The following AGBL1 variants were observed in gnomAD, a reference collection of about 807,000 sequenced individuals.
The protein encoded by AGBL1 is cytosolic carboxypeptidase 4.
AGBL1 carries 130 observed loss-of-function variants against 118.9 expected under a neutral mutation model. The observed-to-expected ratio is 1.09, with a 90% CI of 0.95 to 1.26. The LOEUF is 1.26. Ranked by LOEUF, AGBL1 falls within the 50% of genes most tolerant of loss-of-function variation. AGBL1 has a pLI of 0.00. For missense variants in AGBL1, 1,584 were observed against 1,298.1 expected, an observed-to-expected ratio of 1.22 and a Z score of -3.38; for synonymous variants, 555 against 478.9, an observed-to-expected ratio of 1.16 and a Z score of -2.08.
chr15:86,817,174 C>T (rs1468401845), intron 22 of AGBL1, among the ~76,000 whole-genome samples: 2 of 151,760 alleles, frequency 1.3e-5, no homozygotes, highest in Non-Finnish European at 2.9e-5. Flanking sequence ...TGGCTGTAAT[C>T]CCAGCTACTC....
chr15:86,141,269 C>T lies in AGBL1; in HGVS notation c.52-735C>T, dbSNP rs1429777887. On this transcript the variant is annotated intron_variant, in intron 1 of 22. Transcript: ENST00000614907. ...GGATTTGGCACCACCCTGGGATTCT[C>T]CTGAGAAAAGGAGGAGTTCATTCTT... Among the ~76,000 whole-genome samples the T allele has an allele frequency of 5.3e-5, 8 of 152,282 alleles. No individual in the cohort carries two copies. The South Asian group carries it at 1.2e-3, about 24-fold the overall frequency.
chr15:86,816,426 A>C (rs2078859283), intron 22 of AGBL1, among the ~76,000 whole-genome samples: 1 of 152,226 alleles, frequency 6.6e-6, no homozygotes, highest in Non-Finnish European at 1.5e-5. Context: ...TGTGACTTTC[A>C]AAAAGGCAGT....
At chr15:86,216,420 T>C (rs555197661) in intron 5 of AGBL1, among the ~76,000 whole-genome samples, 2 of 152,208 alleles carry the variant, frequency 1.3e-5, no homozygotes, top group African/African-American at 4.8e-5. Flanking sequence ...CTTTATCAGT[T>C]TGAGGAAGTT....
In AGBL1 at chr15:86,983,639, T is replaced by C. The variant is rs77010428; in HGVS notation, c.3222-4348T>C. Reference sequence around the variant, plus strand: ...CAAGTATATATACCCATAATCAAGATAGAGAACACAGACTTGTTACCTCCA... The same window carrying C: ...CAAGTATATATACCCATAATCAAGACAGAGAACACAGACTTGTTACCTCCA... On this transcript the variant is annotated intron_variant, in intron 23 of 24. Coordinates refer to the AGBL1 transcript ENST00000441037. Among the ~76,000 whole-genome samples, 641 of 152,306 alleles carry C rather than the reference T, an allele frequency of 4.2e-3. 10 individuals carry two copies. The highest frequency in any genetic ancestry group is 0.015 in the African/African-American group (626 of 41,562).
At chr15:86,476,070 C>G (rs1156407298) in intron 18 of AGBL1, among the ~76,000 whole-genome samples, 1 of 152,108 alleles carries the variant, frequency 6.6e-6, no homozygotes, top group African/African-American at 2.4e-5. Context: ...TACAAGAGCT[C>G]CTGAAGGAAG....
intron 22 of AGBL1, among the ~76,000 whole-genome samples, chr15:86,792,418 C>A (rs931408224): frequency 1.3e-5 from 2 of 152,008 alleles, no homozygotes; most frequent in Non-Finnish European, 2.9e-5. Flanking sequence ...TACTAGACAG[C>A]AAAGATGTCA....
chr15:86,303,732 T>A (rs554264519), intron 17 of AGBL1, among the ~76,000 whole-genome samples: 2 of 152,196 alleles, frequency 1.3e-5, no homozygotes, highest in Non-Finnish European at 2.9e-5. Context: ...AAACATGTAA[T>A]ATATTTCATC....
chr15:86,407,678 T>C (rs2081549556), intron 18 of AGBL1, among the ~76,000 whole-genome samples: 1 of 152,158 alleles, frequency 6.6e-6, no homozygotes, highest in Non-Finnish European at 1.5e-5. Flanking sequence ...ATTCCCTTTT[T>C]CTCCTTTTAG....
In AGBL1 at chr15:86,911,667, C is replaced by T. The variant is rs1015634911; in HGVS notation, c.*4373C>T. 1.3e-5 allele frequency: 2 copies of T among 152,312 alleles called. No individual in the cohort carries two copies. The highest frequency in any genetic ancestry group is 2.1e-4 in the South Asian group (1 of 4,828). 9.4% of individuals were successfully genotyped at this position (152,312 alleles called of 1,614,324 possible). A position where few individuals can be genotyped will look rare whatever the true frequency, so the allele number is the denominator to read the frequency against. On this transcript the variant is annotated 3_prime_UTR_variant, in exon 23 of 23. Transcript: ENST00000614907. ...GAAGGGCACTTCTTAAGCCACACAG[C>T]TCCCTAAATGTACTTTTTGATTTTT...
intron 22 of AGBL1, among the ~76,000 whole-genome samples, chr15:86,877,175 C>T (rs2079822518): frequency 6.6e-6 from 1 of 152,160 alleles, no homozygotes. Context: ...GCCCACTCTT[C>T]CTGTGCTCAC....
At chr15:86,666,245 G>C (rs2085642431) in intron 21 of AGBL1, among the ~76,000 whole-genome samples, 2 of 151,998 alleles carry the variant, frequency 1.3e-5, no homozygotes, top group African/African-American at 4.8e-5. Flanking sequence ...TAACCCTTGG[G>C]ATATTTATTA....
chr15:86,102,945 A>C (rs1896822137), intron 1 of AGBL1, among the ~76,000 whole-genome samples: 1 of 152,118 alleles, frequency 6.6e-6, no homozygotes, highest in Non-Finnish European at 1.5e-5. Flanking sequence ...TGGGACACTG[A>C]ATATTTAAAT....
Position 86,271,625 on chromosome 15 carries a change from A to C in AGBL1, c.1994A>C (p.Gln665Pro), listed in dbSNP as rs777848085. The C allele has an allele frequency of 4.3e-6, 7 of 1,610,616 alleles. No individual in the cohort carries two copies. The South Asian group carries it at 7.7e-5, about 18-fold the overall frequency. Reference protein sequence around the residue: ...KPNSQFNYGMQPTLYSVKEAL... With the variant: ...KPNSQFNYGMPPTLYSVKEAL... Reference sequence around the variant, plus strand: ...CCTTTCTGATTTTGTGTAGGGATGCAGCCCACCCTATATTCTGTGAAGGAG... The same window carrying C: ...CCTTTCTGATTTTGTGTAGGGATGCCGCCCACCCTATATTCTGTGAAGGAG... Residue 665 changes from glutamine (Q) to proline (P), a missense_variant, in exon 15 of 23, where the codon CAG becomes CCG. Gln to Pro is a moderately conservative substitution (Grantham distance 76, BLOSUM62 -1). Coordinates refer to ENST00000614907, the MANE Select transcript of AGBL1 (RefSeq NM_001386094.1).
intron 22 of AGBL1, among the ~76,000 whole-genome samples, chr15:86,795,945 C>G (rs186328785): frequency 2.0e-5 from 3 of 151,872 alleles, no homozygotes; most frequent in African/African-American, 7.2e-5. Flanking sequence ...AGATTGCCTT[C>G]CTGGAGACAT....
At chr15:86,190,788 A>T (rs1369105151) in intron 5 of AGBL1, among the ~76,000 whole-genome samples, 2 of 152,216 alleles carry the variant, frequency 1.3e-5, no homozygotes, top group Non-Finnish European at 2.9e-5. Flanking sequence ...AAACACATAG[A>T]AAGGACTGTC....
intron 22 of AGBL1, among the ~76,000 whole-genome samples, chr15:86,814,958 T>G (rs1254263751): frequency 6.6e-6 from 1 of 152,202 alleles, no homozygotes; most frequent in Admixed American, 6.5e-5. Flanking sequence ...AAATGTTGGT[T>G]TACTTCTCTC....
At chr15:86,604,439 A>G (rs2084542590) in intron 21 of AGBL1, among the ~76,000 whole-genome samples, 1 of 152,238 alleles carries the variant, frequency 6.6e-6, no homozygotes, top group East Asian at 1.9e-4. Context: ...CCATCTAATC[A>G]TGAACAGAGC....
Position 86,845,898 on chromosome 15 carries a change from ATATG to A in AGBL1, c.3159-61184_3159-61181del, listed in dbSNP as rs1329631575. The stretch of plus-strand genomic sequence containing the variant: ...ATATCTTTTCTCCCAAACCTGCTAA[ATATG>A]TATGACTCTATTGTGTGACACAGAC... On this transcript the variant is annotated intron_variant, in intron 22 of 22. Coordinates refer to ENST00000614907, the MANE Select transcript of AGBL1 (RefSeq NM_001386094.1). 2.0e-5 allele frequency among the ~76,000 whole-genome samples: 3 copies of A among 152,278 alleles called. No individual in the cohort carries two copies. In the East Asian group the frequency reaches 5.8e-4, roughly 29 times the overall value.
chr15:86,684,666 GT>G lies in AGBL1; in HGVS notation c.3158+10232del, dbSNP rs996419693. 3.9e-5 allele frequency among the ~76,000 whole-genome samples: 6 copies of G among 152,170 alleles called. No homozygotes were observed. In the East Asian group the frequency reaches 1.2e-3, roughly 29 times the overall value. ...AGACATAAGGCTTAAATTCAAGGAA[GT>G]TCAATTCTGATTCAAAGTATTTCTG... On this transcript the variant is annotated intron_variant, in intron 22 of 22. Transcript: ENST00000614907.
Sources: gnomAD v4.1 joint callset for allele counts (sites outside exome capture counted in the v4.1 genomes callset) on GRCh38, gnomAD v4.1.1 for gene constraint, MANE v1.5 for transcripts, NCBI Gene and HGNC (gene_info 2026-07-23, HGNC 2026-07-21) for gene names.